Variants in NLGN1 observed in about 807,000 individuals in gnomAD.
The protein encoded by NLGN1 is neuroligin-1.
A neutral mutation model predicts 65.5 loss-of-function variants in NLGN1; 12 were observed. The observed-to-expected ratio is 0.18, with a 90% CI of 0.12 to 0.30. The LOEUF is 0.30. Ranked by LOEUF, NLGN1 falls within the 10% of genes least tolerant of loss-of-function variation. The pLI is 1.00. For missense variants in NLGN1, 750 were observed against 1,007.1 expected (o/e 0.74, Z 3.46); for synonymous variants, 350 against 359.5 (o/e 0.97, Z 0.30).
intron 4 of NLGN1, among the ~76,000 whole-genome samples, chr3:173,860,042 T>G (rs1407032535): frequency 6.6e-6 from 1 of 152,046 alleles, no homozygotes; most frequent in Non-Finnish European, 1.5e-5. Flanking sequence ...ACTATTTTGT[T>G]TCTTTGTTTT....
At chr3:174,263,018 G>A (rs1184480820) in intron 4 of NLGN1, among the ~76,000 whole-genome samples, 3 of 129,484 alleles carry the variant, frequency 2.3e-5, no homozygotes, top group Non-Finnish European at 4.8e-5. Flanking sequence ...TTAATCCTGA[G>A]TTCTAGTTTG....
chr3:173,827,450 C>T (rs1361672981), intron 4 of NLGN1, among the ~76,000 whole-genome samples: 1 of 151,770 alleles, frequency 6.6e-6, no homozygotes, highest in Admixed American at 6.6e-5. Flanking sequence ...GTCAGTTGGC[C>T]AAGAAGTGTG....
rs541773192 is a variant in NLGN1 at position 173,919,513 on chromosome 3, C to T, written c.646+111681C>T. Among the ~76,000 whole-genome samples, 5 of 152,230 alleles carry T rather than the reference C, an allele frequency of 3.3e-5. 1 individual carries two copies. In the South Asian group the frequency reaches 1.0e-3, roughly 32 times the overall value. On this transcript the variant is annotated intron_variant, in intron 4 of 6. Coordinates refer to ENST00000457714, the Ensembl canonical transcript of NLGN1. The stretch of plus-strand genomic sequence containing the variant: ...TAGCCACATTTCACAGAAGAGGAAA[C>T]AGGACTCCTAGAAAAATTTGTCCAA...
In NLGN1 at chr3:173,708,487, T is replaced by G. The variant is rs980814704; in HGVS notation, c.494-99193T>G. 4.6e-5 allele frequency among the ~76,000 whole-genome samples: 7 copies of G among 152,172 alleles called. No individual in the cohort carries two copies. The East Asian group carries it at 1.3e-3, about 29-fold the overall frequency. Reference sequence around the variant, plus strand: ...AACCTGCTGGTCTAGGGACGCACACTAGTAATGCATTTGACTTTCAGAGGA... The same window carrying G: ...AACCTGCTGGTCTAGGGACGCACACGAGTAATGCATTTGACTTTCAGAGGA... On this transcript the variant is annotated intron_variant, in intron 3 of 6. Coordinates refer to ENST00000457714, the Ensembl canonical transcript of NLGN1.
chr3:173,948,079 A>T (rs1161863943), intron 4 of NLGN1, among the ~76,000 whole-genome samples: 1 of 152,236 alleles, frequency 6.6e-6, no homozygotes. Context: ...GGGTTCTGTG[A>T]TACAATGTGG....
At chr3:173,967,296 A>G (rs550594328) in intron 4 of NLGN1, among the ~76,000 whole-genome samples, 2 of 152,314 alleles carry the variant, frequency 1.3e-5, no homozygotes, top group Non-Finnish European at 2.9e-5. Flanking sequence ...GTGCACAGCA[A>G]TCGGAATTTG....
In NLGN1 at chr3:173,458,954, C is replaced by T. The variant is rs1007012592; in HGVS notation, c.-321+23876C>T. ...CACCCTTTGAGAAGACACTAGCAGA[C>T]GCCACTAGAGTATCATTGGCTAATA... On this transcript the variant is annotated intron_variant, in intron 2 of 6. Transcript: ENST00000457714. Among the ~76,000 whole-genome samples, 54 of 151,994 alleles carry T rather than the reference C, an allele frequency of 3.6e-4. 1 individual carries two copies. The highest frequency in any genetic ancestry group is 2.9e-3 in the Admixed American group (44 of 15,244).
chr3:173,571,323 A>T (rs987822925), intron 2 of NLGN1, among the ~76,000 whole-genome samples: 2 of 152,212 alleles, frequency 1.3e-5, no homozygotes, highest in African/African-American at 4.8e-5. Context: ...GTGAATAGTG[A>T]GGTATTTTTT....
chr3:173,870,504 A>G (rs1730971777), intron 4 of NLGN1, among the ~76,000 whole-genome samples: 1 of 152,170 alleles, frequency 6.6e-6, no homozygotes, highest in Admixed American at 6.5e-5. Flanking sequence ...GTTTTCCGAC[A>G]GTTTCAACAA....
At chr3:173,665,868 TG>T (rs1192315061) in intron 3 of NLGN1, among the ~76,000 whole-genome samples, 1 of 152,190 alleles carries the variant, frequency 6.6e-6, no homozygotes, top group Non-Finnish European at 1.5e-5. Context: ...TAATTATTCA[TG>T]TTTTTTTGGA....
intron 3 of NLGN1, among the ~76,000 whole-genome samples, chr3:173,697,254 T>C (rs1165743341): frequency 6.6e-6 from 1 of 152,214 alleles, no homozygotes; most frequent in Non-Finnish European, 1.5e-5. Context: ...AAGGATATGC[T>C]TGGGAGTGTG....
At chr3:173,403,714 C>G (rs184961059) in intron 1 of NLGN1, among the ~76,000 whole-genome samples, 12 of 152,236 alleles carry the variant, frequency 7.9e-5, no homozygotes, top group Non-Finnish European at 1.3e-4. Flanking sequence ...TTCTTTTACT[C>G]TGCTTTATTA....
intron 4 of NLGN1, among the ~76,000 whole-genome samples, chr3:173,923,039 A>G (rs1742335826): frequency 6.6e-6 from 1 of 152,216 alleles, no homozygotes; most frequent in East Asian, 1.9e-4. Context: ...GTAACTTCAT[A>G]TCACATTTCA....
intron 3 of NLGN1, among the ~76,000 whole-genome samples, chr3:173,701,056 T>C (rs892610773): frequency 6.6e-6 from 1 of 151,864 alleles, no homozygotes; most frequent in South Asian, 2.1e-4. Context: ...ACCCAGGAGG[T>C]GGAGCTTGCA....
At chr3:173,574,623 A>G (rs1177238972) in intron 2 of NLGN1, among the ~76,000 whole-genome samples, 2 of 152,308 alleles carry the variant, frequency 1.3e-5, no homozygotes, top group East Asian at 1.9e-4. Context: ...TAACATACTT[A>G]ATGGACAAGC....
At position 173,631,584 on chromosome 3, in the gene NLGN1, C is replaced by T. The variant is rs375056070; in HGVS notation, c.493+26493C>T. On this transcript the variant is annotated intron_variant, in intron 3 of 6. Transcript: ENST00000457714. ...TACTTCATGAAGCAGGTTTTTGCCC[C>T]GGAGTTATTTTTAAAGTATAACATC... is the stretch of plus-strand genomic sequence containing the variant. Among the ~76,000 whole-genome samples the T allele has an allele frequency of 1.7e-4, 26 of 152,106 alleles. 1 individual carries two copies. The highest frequency in any genetic ancestry group is 3.4e-3 in the Middle Eastern group (1 of 294).
rs189072657 is a variant in NLGN1 at position 173,953,217 on chromosome 3, G to A, written c.646+145385G>A. On this transcript the variant is annotated intron_variant, in intron 4 of 6. Transcript: ENST00000457714. ...TATTTAAACATGTAAGTGACTGTCA[G>A]AGAAAAGAATTCACATTTATAAATC... Among the ~76,000 whole-genome samples, 4 of 152,278 alleles carry A rather than the reference G, an allele frequency of 2.6e-5. No homozygotes were observed. In the East Asian group the frequency reaches 7.7e-4, roughly 29 times the overall value.
chr3:173,756,435 AAAATT>A (rs927916812), intron 3 of NLGN1, among the ~76,000 whole-genome samples: 4 of 152,000 alleles, frequency 2.6e-5, no homozygotes, highest in Non-Finnish European at 5.9e-5. Context: ...GAAGTATAAA[AAAATT>A]AAACCTTTTC....
At chr3:173,843,238 A>C (rs1578742417) in intron 4 of NLGN1, among the ~76,000 whole-genome samples, 1 of 152,026 alleles carries the variant, frequency 6.6e-6, no homozygotes, top group South Asian at 2.1e-4. Context: ...ACACAAAACC[A>C]CTTTTTCCTC....
Sources: allele counts gnomAD v4.1 joint callset (sites outside exome capture counted in the v4.1 genomes callset), GRCh38; gene constraint gnomAD v4.1.1; transcripts MANE v1.5; gene names NCBI Gene and HGNC (gene_info 2026-07-23, HGNC 2026-07-21).